Variants in TEX36 observed in about 807,000 individuals in gnomAD.
TEX36 encodes testis expressed 36.
Under a neutral mutation model 13.6 loss-of-function variants are expected in TEX36, and 12 were observed. The observed-to-expected ratio is 0.88, with a 90% CI of 0.56 to 1.43. The LOEUF is 1.43. TEX36 is among the 40% of genes most tolerant of loss of function. The probability of loss-of-function intolerance (pLI) is 0.00; values close to 1 mark genes in which losing one functional copy is unlikely to be tolerated. For missense variants in TEX36, 224 were observed against 228.3 expected (o/e 0.98, Z 0.12); for synonymous variants, 93 against 83.0 (o/e 1.12, Z -0.65).
At chr10:125,617,040 T>A (rs1271006046), downstream of TEX36, among the ~76,000 whole-genome samples, 1 of 152,254 alleles carries the variant, frequency 6.6e-6, no homozygotes, top group African/African-American at 2.4e-5. Flanking sequence ...CATTAAGTAA[T>A]GGCCTTCTTT....
intron 3 of TEX36, among the ~76,000 whole-genome samples, chr10:125,597,103 G>T (rs1010283743): frequency 8.5e-5 from 13 of 152,144 alleles, no homozygotes; most frequent in African/African-American, 3.1e-4. Context: ...CAATTTTAGG[G>T]GAGTGACTGT....
At chr10:125,577,342 C>CA (rs1280425524) in intron 3 of TEX36, among the ~76,000 whole-genome samples, 1 of 152,054 alleles carries the variant, frequency 6.6e-6, no homozygotes, top group African/African-American at 2.4e-5. Flanking sequence ...ACTAAAAATA[C>CA]AAAAAATTAG....
chr10:125,627,075 C>T (rs1846498548), intron 3 of TEX36, among the ~76,000 whole-genome samples: 1 of 152,210 alleles, frequency 6.6e-6, no homozygotes, highest in South Asian at 2.1e-4. Flanking sequence ...CCTTCTTTGC[C>T]ACTTTCCAGA....
At chr10:125,629,807 T>G (rs1846530072) in intron 3 of TEX36, among the ~76,000 whole-genome samples, 1 of 152,222 alleles carries the variant, frequency 6.6e-6, no homozygotes, top group Middle Eastern at 3.2e-3. Flanking sequence ...TCAGTGAATT[T>G]TTTTTTAAGT....
intron 1 of TEX36, among the ~76,000 whole-genome samples, chr10:125,670,887 G>C (rs1285131983): frequency 6.6e-6 from 1 of 152,082 alleles, no homozygotes; most frequent in Non-Finnish European, 1.5e-5. Flanking sequence ...TTGAAGATCA[G>C]ATGGTTGTAG....
At chr10:125,679,507 T>A (rs370023930) in intron 1 of TEX36, among the ~76,000 whole-genome samples, 148 of 150,244 alleles carry the variant, frequency 9.9e-4, no homozygotes, top group African/African-American at 3.4e-3. Context: ...CTCTCTCTGT[T>A]AGTTTCAGGG....
intron 3 of TEX36, among the ~76,000 whole-genome samples, chr10:125,591,011 C>T (rs1239533662): frequency 1.3e-5 from 2 of 152,138 alleles, no homozygotes. Flanking sequence ...CGTCTCACAA[C>T]GGGCCCTGCC....
intron 3 of TEX36, among the ~76,000 whole-genome samples, chr10:125,586,144 A>G (rs1845944716): frequency 6.6e-6 from 1 of 152,244 alleles, no homozygotes; most frequent in African/African-American, 2.4e-5. Flanking sequence ...TGTCCTATAC[A>G]CATGTAGATA....
At chr10:125,576,703 G>A in exon 4 of TEX36, 1 of 1,533,818 alleles carries the variant, frequency 6.5e-7, no homozygotes, top group Non-Finnish European at 8.7e-7. Flanking sequence ...CATTCTATTA[G>A]TCAGGACTCT....
chr10:125,615,206 T>C (rs1180815950), intron 3 of TEX36, among the ~76,000 whole-genome samples: 2 of 152,084 alleles, frequency 1.3e-5, no homozygotes, highest in African/African-American at 4.8e-5. Flanking sequence ...GTTTTCTAGA[T>C]ATACAATCAT....
chr10:125,631,808 G>A (rs1846558461), intron 3 of TEX36, among the ~76,000 whole-genome samples: 1 of 152,204 alleles, frequency 6.6e-6, no homozygotes, highest in Non-Finnish European at 1.5e-5. Flanking sequence ...CAGAAAGTGA[G>A]TATTTGGAAG....
chr10:125,639,578 T>A (rs1456629155), intron 3 of TEX36, among the ~76,000 whole-genome samples: 1 of 132,592 alleles, frequency 7.5e-6, no homozygotes, highest in East Asian at 2.6e-4. Context: ...CTACATCACC[T>A]GTCCCAAAGG....
chr10:125,653,284 A>G (rs908743683), downstream of TEX36, among the ~76,000 whole-genome samples: 3 of 152,192 alleles, frequency 2.0e-5, no homozygotes, highest in Admixed American at 6.5e-5. Flanking sequence ...TGGCACATAT[A>G]CACCATGGAA....
intron 1 of TEX36, among the ~76,000 whole-genome samples, chr10:125,670,978 A>G (rs185249006): frequency 6.6e-6 from 1 of 151,786 alleles, no homozygotes; most frequent in East Asian, 1.9e-4. Context: ...TGTTTTGGTT[A>G]CTCTAGCTTT....
intron 3 of TEX36, among the ~76,000 whole-genome samples, chr10:125,615,378 C>G (rs1425912072): frequency 6.6e-6 from 1 of 152,148 alleles, no homozygotes; most frequent in Non-Finnish European, 1.5e-5. Context: ...AAAGGGAATA[C>G]TTCCAGTTTT....
At chr10:125,664,445 G>A (rs1350446506) in intron 1 of TEX36, among the ~76,000 whole-genome samples, 1 of 152,048 alleles carries the variant, frequency 6.6e-6, no homozygotes, top group Non-Finnish European at 1.5e-5. Context: ...ACTATGGTTT[G>A]GCTCTAATAT....
At chr10:125,656,444 G>C (rs1846946383) in intron 3 of TEX36, among the ~76,000 whole-genome samples, 1 of 151,712 alleles carries the variant, frequency 6.6e-6, no homozygotes. Context: ...TTTTAGTAGA[G>C]ACAGGGTTTT....
intron 3 of TEX36, among the ~76,000 whole-genome samples, chr10:125,593,256 G>A (rs1476569323): frequency 6.6e-6 from 1 of 152,242 alleles, no homozygotes. Context: ...TTTAGGAGCT[G>A]TGTGCCAGGA....
chr10:125,590,959 G>A (rs776515625), intron 3 of TEX36, among the ~76,000 whole-genome samples: 5 of 152,130 alleles, frequency 3.3e-5, no homozygotes, highest in South Asian at 4.2e-4. Context: ...AGTAATGTTC[G>A]TGGGATATAT....
Sources: gnomAD v4.1 joint callset for allele counts (sites outside exome capture counted in the v4.1 genomes callset) on GRCh38, gnomAD v4.1.1 for gene constraint, MANE v1.5 for transcripts, NCBI Gene and HGNC (gene_info 2026-07-23, HGNC 2026-07-21) for gene names.